PACS1: variants seen among roughly 807,000 people sequenced by gnomAD.
PACS1 encodes PACS-1.
In PACS1, 24 loss-of-function variants were observed where a neutral mutation model predicts 115.0. That is an observed-to-expected ratio of 0.21 (90% confidence interval 0.15 to 0.29). The LOEUF (loss-of-function observed/expected upper bound fraction) is 0.29. Among genes scored for constraint, PACS1 ranks in the 10% least tolerant of loss-of-function variants. The pLI is 1.00. For missense variants in PACS1, 838 were observed against 1,251.2 expected, an observed-to-expected ratio of 0.67 and a Z score of 4.98; for synonymous variants, 453 against 504.5, an observed-to-expected ratio of 0.90 and a Z score of 1.37.
At chr11:66,214,620 CT>C (rs578031707) in intron 4 of PACS1, among the ~76,000 whole-genome samples, 6 of 115,322 alleles carry the variant, frequency 5.2e-5, no homozygotes, top group Non-Finnish European at 6.7e-5. Flanking sequence ...TTTTTCTTTT[CT>C]TTTTTTTTTT....
intron 1 of PACS1, among the ~76,000 whole-genome samples, chr11:66,181,369 C>T (rs1028253822): frequency 2.6e-5 from 4 of 151,762 alleles, no homozygotes; most frequent in Admixed American, 2.0e-4. Context: ...TCCACCACCA[C>T]ACCCAGCTAA....
intron 1 of PACS1, among the ~76,000 whole-genome samples, chr11:66,113,778 A>G (rs1858240194): frequency 2.0e-5 from 3 of 152,174 alleles, no homozygotes; most frequent in South Asian, 4.1e-4. Context: ...ACATTAATAT[A>G]CTTTATTTAG....
At chr11:66,228,457 T>C (rs1855510666) in intron 11 of PACS1, among the ~76,000 whole-genome samples, 1 of 152,182 alleles carries the variant, frequency 6.6e-6, no homozygotes, top group Admixed American at 6.5e-5. Flanking sequence ...TAACTTACAT[T>C]TTCTAGTTCA....
At chr11:66,128,398 A>G (rs548539955) in intron 1 of PACS1, among the ~76,000 whole-genome samples, 1 of 152,328 alleles carries the variant, frequency 6.6e-6, no homozygotes, top group South Asian at 2.1e-4. Flanking sequence ...TGAAATATTT[A>G]CATATGAAAA....
At chr11:66,192,368 C>T (rs1187834677) in intron 1 of PACS1, among the ~76,000 whole-genome samples, 1 of 152,196 alleles carries the variant, frequency 6.6e-6, no homozygotes. Flanking sequence ...GGGGGAAGTT[C>T]TCCTGGCAAA....
intron 1 of PACS1, among the ~76,000 whole-genome samples, chr11:66,077,807 A>G (rs536810462): frequency 1.3e-5 from 2 of 151,632 alleles, no homozygotes; most frequent in African/African-American, 4.8e-5. Flanking sequence ...GGTTCAAGCA[A>G]TTCTCCTGCC....
chr11:66,146,607 G>A (rs868381925), intron 1 of PACS1, among the ~76,000 whole-genome samples: 1 of 152,252 alleles, frequency 6.6e-6, no homozygotes, highest in South Asian at 2.1e-4. Flanking sequence ...AAGGAAAGGA[G>A]AAGAAAGGGC....
intron 1 of PACS1, among the ~76,000 whole-genome samples, chr11:66,153,353 T>G (rs540519241): frequency 3.6e-4 from 55 of 152,270 alleles, no homozygotes; most frequent in African/African-American, 1.3e-3. Flanking sequence ...GGGTTTATAA[T>G]GTACATATAG....
At chr11:66,165,942 G>A (rs892761266) in intron 1 of PACS1, among the ~76,000 whole-genome samples, 6 of 151,932 alleles carry the variant, frequency 3.9e-5, no homozygotes, top group African/African-American at 9.7e-5. Context: ...CCTGGGCCAC[G>A]CCACAGCCTC....
intron 17 of PACS1, among the ~76,000 whole-genome samples, chr11:66,234,834 T>C (rs993462153): frequency 6.6e-6 from 1 of 151,990 alleles, no homozygotes; most frequent in Non-Finnish European, 1.5e-5. Context: ...ATCATGCCAC[T>C]GCACTCCAGC....
At chr11:66,101,011 A>G (rs1397039073) in intron 1 of PACS1, 3 of 406,650 alleles carry the variant, frequency 7.4e-6, no homozygotes, top group Admixed American at 5.7e-5. Flanking sequence ...GAAGGAAGTC[A>G]CTAAAGCCAG....
chr11:66,108,526 C>G (rs1316514941), intron 1 of PACS1, among the ~76,000 whole-genome samples: 1 of 151,974 alleles, frequency 6.6e-6, no homozygotes, highest in Non-Finnish European at 1.5e-5. Context: ...AGTTTGAAAC[C>G]AGCCTGGGCA....
chr11:66,231,142 G>A (rs1468397228), intron 13 of PACS1, among the ~76,000 whole-genome samples: 5 of 152,260 alleles, frequency 3.3e-5, no homozygotes, highest in Non-Finnish European at 7.3e-5. Flanking sequence ...TGGCTTCCAC[G>A]CTGACCTCTA....
At position 66,205,800 on chromosome 11, in the gene PACS1, C is replaced by T. The variant is rs950287272; in HGVS notation, c.445-4562C>T. On this transcript the variant is annotated intron_variant, in intron 2 of 23. Transcript: ENST00000320580. ...TGAGCCACCACATTCAGCAATAATACTGTTAAATATCTATATGATAAGAAT... is the reference window on the plus strand; with the variant it reads ...TGAGCCACCACATTCAGCAATAATATTGTTAAATATCTATATGATAAGAAT... 5.3e-5 allele frequency among the ~76,000 whole-genome samples: 8 copies of T among 151,784 alleles called. No individual in the cohort carries two copies. In the East Asian group the frequency reaches 1.5e-3, roughly 29 times the overall value.
At chr11:66,159,954 A>T (rs1859449661) in intron 1 of PACS1, among the ~76,000 whole-genome samples, 1 of 152,214 alleles carries the variant, frequency 6.6e-6, no homozygotes, top group Admixed American at 6.5e-5. Context: ...TTAGGATGAT[A>T]ACACTTGGGT....
At chr11:66,195,907 C>T (rs1303140236) in intron 2 of PACS1, among the ~76,000 whole-genome samples, 1 of 152,180 alleles carries the variant, frequency 6.6e-6, no homozygotes, top group Non-Finnish European at 1.5e-5. Flanking sequence ...GAGGCCACAA[C>T]TATTTTCATG....
intron 7 of PACS1, 89 bp downstream of exon 7, chr11:66,216,864 T>G: frequency 1.2e-6 from 1 of 830,992 alleles, no homozygotes; most frequent in East Asian, 2.7e-5. Flanking sequence ...AGTGGAGACT[T>G]CTTAAAATCA....
chr11:66,216,683 G>T lies in PACS1; in HGVS notation c.898-12G>T, dbSNP rs1169443157. 2 of 1,613,160 alleles carry T rather than the reference G, an allele frequency of 1.2e-6. No homozygotes were observed. The highest frequency in any genetic ancestry group is 2.7e-5 in the African/African-American group (2 of 74,838). ...GGTTTCCCACCCTCATTCTGTCCCT[G>T]TACCCACTTAGGACTTGTTCTACGA... On this transcript the variant is annotated splice_polypyrimidine_tract_variant and intron_variant, in intron 6 of 23. Coordinates refer to ENST00000320580, the MANE Select transcript of PACS1 (RefSeq NM_018026.4).
At chr11:66,175,875 G>A (rs1859848171) in intron 1 of PACS1, among the ~76,000 whole-genome samples, 1 of 152,024 alleles carries the variant, frequency 6.6e-6, no homozygotes, top group Admixed American at 6.6e-5. Flanking sequence ...GGTTGATTCC[G>A]CTTTCTAAAT....
Sources: gnomAD v4.1 joint callset for allele counts (sites outside exome capture counted in the v4.1 genomes callset) on GRCh38, gnomAD v4.1.1 for gene constraint, MANE v1.5 for transcripts, NCBI Gene and HGNC (gene_info 2026-07-23, HGNC 2026-07-21) for gene names.